Variants in SHISA6 observed in about 807,000 individuals in gnomAD.
The protein encoded by SHISA6 is shisa family member 6.
Under a neutral mutation model 47.9 loss-of-function variants are expected in SHISA6, and 22 were observed. The observed-to-expected ratio is 0.46, with a 90% CI of 0.33 to 0.66. The LOEUF (loss-of-function observed/expected upper bound fraction) is 0.66. Ranked by LOEUF, SHISA6 falls within the 30% of genes least tolerant of loss-of-function variation. The probability of loss-of-function intolerance (pLI) is 0.02; values close to 1 mark genes in which losing one functional copy is unlikely to be tolerated. For synonymous variants in SHISA6, 388 were observed against 337.8 expected (o/e 1.15, Z -1.63); for missense variants, 680 against 764.6 (o/e 0.89, Z 1.30).
At chr17:11,406,403 C>T (rs1913961929) in intron 3 of SHISA6, among the ~76,000 whole-genome samples, 1 of 152,220 alleles carries the variant, frequency 6.6e-6, no homozygotes, top group Non-Finnish European at 1.5e-5. Context: ...ACTCGCCAGT[C>T]CTCACCAGAA....
chr17:11,339,342 A>G (rs560728140), intron 2 of SHISA6, among the ~76,000 whole-genome samples: 3 of 152,260 alleles, frequency 2.0e-5, no homozygotes, highest in African/African-American at 7.2e-5. Flanking sequence ...TAATTATTTA[A>G]ACATGAGCGA....
intron 3 of SHISA6, among the ~76,000 whole-genome samples, chr17:11,501,737 T>G (rs1048784547): frequency 1.3e-4 from 19 of 151,508 alleles, no homozygotes; most frequent in African/African-American, 4.6e-4. Context: ...GAGATATGAG[T>G]GCTGCCACCC....
intron 3 of SHISA6, among the ~76,000 whole-genome samples, chr17:11,534,123 G>C (rs1055961115): frequency 1.3e-5 from 2 of 150,568 alleles, no homozygotes; most frequent in Non-Finnish European, 2.9e-5. Flanking sequence ...GGGATTACAG[G>C]CGCCTGCCAC....
rs574140600 is a variant in SHISA6, at chr17:11,274,185, T to C, written c.799+10659T>C. 3.3e-5 allele frequency among the ~76,000 whole-genome samples: 5 copies of C among 152,232 alleles called. No homozygotes were observed. In the South Asian group the frequency reaches 8.3e-4, roughly 25 times the overall value. On this transcript the variant is annotated intron_variant, in intron 2 of 5. Transcript: ENST00000441885. ...CCTCCCATCAAGGAGGCAGCCCGAA[T>C]TGGGGACAGAGAGAGCCTACTTTCC...
At chr17:11,383,376 T>C (rs1913089235) in intron 3 of SHISA6, among the ~76,000 whole-genome samples, 1 of 152,174 alleles carries the variant, frequency 6.6e-6, no homozygotes, top group Non-Finnish European at 1.5e-5. Context: ...AGATCCATAG[T>C]TCATGGGTAA....
intron 3 of SHISA6, among the ~76,000 whole-genome samples, chr17:11,420,389 A>G (rs768537859): frequency 3.3e-5 from 5 of 152,204 alleles, no homozygotes; most frequent in Non-Finnish European, 7.3e-5. Context: ...GACCGTGCCT[A>G]TAAAAGTACT....
In SHISA6 at chr17:11,272,902, G is replaced by A. The variant is rs184649224; in HGVS notation, c.799+9376G>A. Among the ~76,000 whole-genome samples the A allele has an allele frequency of 5.8e-3, 883 of 152,320 alleles. 7 individuals carry two copies. Among genetic ancestry groups the A allele is most frequent in the South Asian group, 0.018 (86 of 4,822 alleles). ...AAACAACCTGGAATCCAGATCCAAG[G>A]TGGTGGCATGCCAGCTGTTTTCATG... On this transcript the variant is annotated intron_variant, in intron 2 of 5. Transcript: ENST00000441885.
chr17:11,368,304 A>G (rs1172471458), intron 2 of SHISA6, among the ~76,000 whole-genome samples: 2 of 151,390 alleles, frequency 1.3e-5, no homozygotes, highest in Non-Finnish European at 3.0e-5. Context: ...AGATGAGCTG[A>G]CGTGTTTTCT....
At chr17:11,550,111 G>A (rs2071918026) in intron 3 of SHISA6, among the ~76,000 whole-genome samples, 1 of 151,772 alleles carries the variant, frequency 6.6e-6, no homozygotes. Flanking sequence ...CTGGAGTGCA[G>A]TGGCGCGATC....
At chr17:11,257,986 A>G (rs1908081114) in intron 1 of SHISA6, among the ~76,000 whole-genome samples, 2 of 152,196 alleles carry the variant, frequency 1.3e-5, no homozygotes, top group Admixed American at 1.3e-4. Flanking sequence ...CTTGTGAAGA[A>G]CCTTGAATTT....
At chr17:11,482,938 A>AAAAC (rs1354928534) in intron 3 of SHISA6, among the ~76,000 whole-genome samples, 1 of 152,214 alleles carries the variant, frequency 6.6e-6, no homozygotes, top group African/African-American at 2.4e-5. Context: ...TATAGAGGAA[A>AAAAC]AAACAAAACA....
chr17:11,558,231 C>T lies in SHISA6; in HGVS notation c.1583C>T (p.Thr528Met), dbSNP rs1428260716. The change falls in exon 6 of 6, where the codon ACG becomes ATG. Residue 528 changes from threonine (T) to methionine (M), a missense_variant. By Grantham distance (81) the Thr-to-Met change is moderately conservative. Transcript: ENST00000441885. ...GCCTTTGCCTCACGCAGACACAACA[C>T]GGTGGAGCAGCTGCACTACATCCCG... ...RHAFASRRHN[T>M]VEQLHYIPGH... 1.4e-5 allele frequency: 21 copies of T among 1,540,786 alleles called. No homozygotes were observed. Among genetic ancestry groups the T allele is most frequent in the African/African-American group, 2.7e-5 (2 of 73,058 alleles).
intron 2 of SHISA6, among the ~76,000 whole-genome samples, chr17:11,321,620 G>A (rs1346093046): frequency 3.3e-5 from 5 of 152,154 alleles, no homozygotes; most frequent in Non-Finnish European, 4.4e-5. Flanking sequence ...TATTTATATA[G>A]TTGAGTTTCA....
intron 1 of SHISA6, among the ~76,000 whole-genome samples, chr17:11,246,581 G>A (rs1397895531): frequency 2.0e-5 from 3 of 152,186 alleles, no homozygotes; most frequent in South Asian, 2.1e-4. Flanking sequence ...CTAGGGGAAG[G>A]ATGCTGGGAA....
chr17:11,494,383 ATTGT>A (rs1662150389), intron 3 of SHISA6, among the ~76,000 whole-genome samples: 2 of 152,068 alleles, frequency 1.3e-5, no homozygotes, highest in Admixed American at 6.5e-5. Flanking sequence ...TGTTTTCTGA[ATTGT>A]TTGTTACTTA....
intron 1 of SHISA6, among the ~76,000 whole-genome samples, chr17:11,255,062 C>T (rs1907957363): frequency 6.6e-6 from 1 of 152,242 alleles, no homozygotes; most frequent in African/African-American, 2.4e-5. Flanking sequence ...GGATCCATCT[C>T]CCATACCACT....
At chr17:11,496,714 A>C (rs1219033755) in intron 3 of SHISA6, among the ~76,000 whole-genome samples, 1 of 150,808 alleles carries the variant, frequency 6.6e-6, no homozygotes, top group East Asian at 2.0e-4. Flanking sequence ...AATCTAGCCC[A>C]GGTGACAGTG....
rs182355214 is a variant in SHISA6 at position 11,258,049 on chromosome 17, G to T, written c.639-5317G>T. 1.8e-3 allele frequency among the ~76,000 whole-genome samples: 269 copies of T among 152,316 alleles called. 2 individuals are homozygous for T. The highest frequency in any genetic ancestry group is 6.1e-3 in the African/African-American group (255 of 41,576). On this transcript the variant is annotated intron_variant, in intron 1 of 5. Transcript: ENST00000441885. ...ACTTAATTAGGCAGGAATGCTTTTA[G>T]AAAGTTCTTCAAAAACAAGAGTGTT...
At chr17:11,389,694 G>A (rs1158739748) in intron 3 of SHISA6, among the ~76,000 whole-genome samples, 1 of 152,130 alleles carries the variant, frequency 6.6e-6, no homozygotes, top group Non-Finnish European at 1.5e-5. Context: ...CCAGTCCCTC[G>A]CTGGTGCCAA....
Sources: allele counts gnomAD v4.1 joint callset (sites outside exome capture counted in the v4.1 genomes callset), GRCh38; gene constraint gnomAD v4.1.1; transcripts MANE v1.5; gene names NCBI Gene and HGNC (gene_info 2026-07-23, HGNC 2026-07-21).